The following TSHZ1 variants were observed in gnomAD, a reference collection of about 807,000 sequenced individuals.
TSHZ1 encodes the protein teashirt zinc finger homeobox 1, also known as teashirt homolog 1.
A neutral mutation model predicts 67.1 loss-of-function variants in TSHZ1; 12 were observed. The observed-to-expected ratio is 0.18, with a 90% CI of 0.11 to 0.29. The LOEUF is 0.29. TSHZ1 is among the 10% of genes least tolerant of loss of function. TSHZ1 has a pLI of 1.00. For synonymous variants in TSHZ1, 632 were observed against 622.4 expected, an observed-to-expected ratio of 1.02 and a Z score of -0.23; for missense variants, 1,305 against 1,413.9, an observed-to-expected ratio of 0.92 and a Z score of 1.23.
intron 1 of TSHZ1, among the ~76,000 whole-genome samples, chr18:75,224,110 G>T: frequency 6.8e-6 from 1 of 147,098 alleles, no homozygotes. Flanking sequence ...TTTAAAGGAA[G>T]GGAAAATACC....
chr18:75,225,420 C>T (rs371792206), intron 1 of TSHZ1, among the ~76,000 whole-genome samples: 2 of 152,250 alleles, frequency 1.3e-5, no homozygotes, highest in Non-Finnish European at 2.9e-5. Flanking sequence ...CGCTTCTGTC[C>T]GTGTGTCAGC....
In TSHZ1 at chr18:75,288,524, T is replaced by C. The variant is rs753848425; in HGVS notation, c.3117T>C (p.Cys1039=). The part of the protein sequence containing the change: ...TEEDLGSTFQ[C]KLCNRTFASK... ...AAGACTTGGGCTCCACATTCCAATGTAAGCTCTGCAACCGGACTTTTGCGA... is the reference window on the plus strand; with the variant it reads ...AAGACTTGGGCTCCACATTCCAATGCAAGCTCTGCAACCGGACTTTTGCGA... The change falls in exon 2 of 2, where the codon TGT becomes TGC. Residue 1039 remains cysteine, a synonymous_variant. Coordinates refer to ENST00000580243, the MANE Select transcript of TSHZ1 (RefSeq NM_001308210.2). This position sits in a 1 kb window ranked among gnomAD's most constrained non-coding sequence, Gnocchi z 4.9. 1 of 1,614,226 alleles carries C rather than the reference T, an allele frequency of 6.2e-7. No homozygotes were observed.
intron 1 of TSHZ1, among the ~76,000 whole-genome samples, chr18:75,273,999 G>A (rs1027471873): frequency 4.6e-5 from 7 of 152,112 alleles, no homozygotes; most frequent in Non-Finnish European, 1.0e-4. Context: ...ACATGCATGC[G>A]CGTGAAGGCC....
intron 1 of TSHZ1, among the ~76,000 whole-genome samples, chr18:75,215,087 AAACC>A (rs1321455922): frequency 6.6e-6 from 1 of 152,118 alleles, no homozygotes; most frequent in African/African-American, 2.4e-5. Flanking sequence ...CCAAGACAGA[AAACC>A]AACCACTCAG....
rs995818013 is a variant in TSHZ1, at chr18:75,214,302, T to C, written c.40+2386T>C. 3.9e-5 allele frequency among the ~76,000 whole-genome samples: 6 copies of C among 152,362 alleles called. No individual in the cohort carries two copies. In the South Asian group the frequency reaches 1.0e-3, roughly 26 times the overall value. On this transcript the variant is annotated intron_variant, in intron 1 of 1. Transcript: ENST00000580243. ...AGTCCTTCCTATATTTGTAATGGGC[T>C]AGGTGAGAAAATCCTGATTTCCTTC... is the stretch of plus-strand genomic sequence containing the variant.
chr18:75,225,728 C>T (rs2022916792), intron 1 of TSHZ1, among the ~76,000 whole-genome samples: 1 of 151,980 alleles, frequency 6.6e-6, no homozygotes, highest in Non-Finnish European at 1.5e-5. Flanking sequence ...GCAGTTAATG[C>T]AAGACTATAT....
At chr18:75,278,392 C>T (rs139742608) in intron 1 of TSHZ1, among the ~76,000 whole-genome samples, 1 of 152,294 alleles carries the variant, frequency 6.6e-6, no homozygotes, top group Middle Eastern at 3.4e-3. Flanking sequence ...TTGGAGGCAC[C>T]TGGGTTCTGG....
Position 75,287,482 on chromosome 18 carries a change from A to G in TSHZ1, c.2075A>G (p.Lys692Arg), listed in dbSNP as rs2023792454. ...GAGGAAGTCAGCGGCAAACCACAGA[A>G]GAAGGGCCCTGAGGCCGAGACTGGG... is the stretch of plus-strand genomic sequence containing the variant. ...KTEEVSGKPQ[K>R]KGPEAETGKA... The change falls in exon 2 of 2, where the codon AAG (lysine) becomes AGG (arginine). Residue 692 changes from lysine (K) to arginine (R), a missense_variant. Around this residue, in one of 3 missense-constraint regions of TSHZ1, gnomAD observed 909 missense variants for 961.8 expected, o/e 0.95. Coordinates refer to ENST00000580243, the MANE Select transcript of TSHZ1 (RefSeq NM_001308210.2). This position sits in a 1 kb window ranked among gnomAD's most constrained non-coding sequence, Gnocchi z 5.0. 1.9e-6 allele frequency: 3 copies of G among 1,614,246 alleles called. No homozygotes were observed. Among genetic ancestry groups the G allele is most frequent in the Non-Finnish European group, 2.5e-6 (3 of 1,180,048 alleles).
At chr18:75,222,144 C>A (rs777969343) in intron 1 of TSHZ1, among the ~76,000 whole-genome samples, 1 of 151,556 alleles carries the variant, frequency 6.6e-6, no homozygotes, top group African/African-American at 2.4e-5. Context: ...TGTTGTGTAG[C>A]GGCGTGGCTT....
At chr18:75,257,906 G>A (rs1331736580) in intron 1 of TSHZ1, among the ~76,000 whole-genome samples, 1 of 152,194 alleles carries the variant, frequency 6.6e-6, no homozygotes, top group Non-Finnish European at 1.5e-5. Flanking sequence ...TACATGATAG[G>A]AGGGCTGCAC....
At chr18:75,215,304 C>T (rs991032604) in intron 1 of TSHZ1, among the ~76,000 whole-genome samples, 1 of 152,218 alleles carries the variant, frequency 6.6e-6, no homozygotes. Flanking sequence ...TCCAGTGATT[C>T]TCATGCCATC....
chr18:75,221,726 TCTTAGC>T (rs1191753213), intron 1 of TSHZ1, among the ~76,000 whole-genome samples: 2 of 152,228 alleles, frequency 1.3e-5, no homozygotes, highest in African/African-American at 2.4e-5. Context: ...CTGCTTCAGT[TCTTAGC>T]TACATGAAAA....
rs202178783 is a variant in TSHZ1 at position 75,285,823 on chromosome 18, C to T, written c.416C>T (p.Ser139Leu). 23 of 1,613,982 alleles carry T rather than the reference C, an allele frequency of 1.4e-5. No homozygotes were observed. The highest frequency in any genetic ancestry group is 6.7e-5 in the Admixed American group (4 of 60,006). Residue 139 changes from serine (S) to leucine (L), a missense_variant, in exon 2 of 2, where the codon TCG (serine) becomes TTG (leucine). Physicochemically the swap from Ser to Leu is moderately radical, Grantham distance 145 (BLOSUM62 -2). Transcript: ENST00000580243. Reference sequence around the variant, plus strand: ...AGCTTAGCTCTGGATTTAAAGAAGTCGGGTTCCACCACCAGCACCAACGAT... The same window carrying T: ...AGCTTAGCTCTGGATTTAAAGAAGTTGGGTTCCACCACCAGCACCAACGAT... The part of the protein sequence containing the change: ...WSSLALDLKK[S>L]GSTTSTNDAS...
rs767273743 is a variant in TSHZ1 at position 75,287,198 on chromosome 18, G to A, written c.1791G>A (p.Gln597=). ...GTVKPLPAAV[Q]SVQVQPSYAG... ...TGAAGCCACTGCCGGCGGCCGTGCAGAGCGTGCAGGTGCAGCCGTCCTATG... is the reference window on the plus strand; with the variant it reads ...TGAAGCCACTGCCGGCGGCCGTGCAAAGCGTGCAGGTGCAGCCGTCCTATG... The change falls in exon 2 of 2, where the codon CAG becomes CAA. Residue 597 remains glutamine, a synonymous_variant. Coordinates refer to ENST00000580243, the MANE Select transcript of TSHZ1 (RefSeq NM_001308210.2). This position sits in a 1 kb window ranked among gnomAD's most constrained non-coding sequence, Gnocchi z 5.0. The A allele has an allele frequency of 4.3e-6, 7 of 1,613,576 alleles. No homozygotes were observed. The South Asian group carries it at 7.7e-5, about 18-fold the overall frequency.
chr18:75,270,804 A>AT (rs201223302), intron 1 of TSHZ1, among the ~76,000 whole-genome samples: 3,482 of 152,132 alleles, frequency 0.023, 47 homozygotes, highest in Middle Eastern at 0.048. Context: ...TGTAGTTTAG[A>AT]TTTTTTTAAT....
intron 1 of TSHZ1, among the ~76,000 whole-genome samples, chr18:75,270,879 C>T (rs2023548488): frequency 6.6e-6 from 1 of 152,112 alleles, no homozygotes; most frequent in African/African-American, 2.4e-5. Flanking sequence ...GCACACTCAA[C>T]ATTGTTCTCC....
chr18:75,224,639 C>A (rs1479875860), intron 1 of TSHZ1, among the ~76,000 whole-genome samples: 8 of 152,058 alleles, frequency 5.3e-5, no homozygotes, highest in African/African-American at 1.5e-4. Context: ...CTGGCTTTAT[C>A]GGCTATTTTA....
In TSHZ1 at chr18:75,281,874, C is replaced by T. The variant is rs1290011684; in HGVS notation, c.41-3574C>T. 6.6e-6 allele frequency among the ~76,000 whole-genome samples: 1 copy of T among 152,084 alleles called. No homozygotes were observed. Among genetic ancestry groups the T allele is most frequent in the African/African-American group, 2.4e-5 (1 of 41,406 alleles). ...GTGGGGGCCCAGCCTTCACCCTGGTCCACACGGGGCTCCCTGCCTTCCAAA... is the reference window on the plus strand; with the variant it reads ...GTGGGGGCCCAGCCTTCACCCTGGTTCACACGGGGCTCCCTGCCTTCCAAA... On this transcript the variant is annotated intron_variant, in intron 1 of 1. Coordinates refer to ENST00000580243, the MANE Select transcript of TSHZ1 (RefSeq NM_001308210.2). The surrounding 1 kb of genome is among the most constrained non-coding windows in gnomAD (Gnocchi z 5.3).
At chr18:75,226,764 C>T (rs1036712006) in intron 1 of TSHZ1, among the ~76,000 whole-genome samples, 4 of 152,092 alleles carry the variant, frequency 2.6e-5, no homozygotes, top group Non-Finnish European at 5.9e-5. Flanking sequence ...GGGGCCAGGC[C>T]GGGCCTTGGG....
Sources: allele counts gnomAD v4.1 joint callset (sites outside exome capture counted in the v4.1 genomes callset), GRCh38; gene constraint gnomAD v4.1.1; regional missense constraint gnomAD v4.1.1; non-coding constraint Gnocchi (gnomAD v3.1); transcripts MANE v1.5; gene names NCBI Gene and HGNC (gene_info 2026-07-23, HGNC 2026-07-21).